Variants in ASPSCR1 observed in about 807,000 individuals in gnomAD.
ASPSCR1 encodes the protein tether containing UBX domain for GLUT4.
Under a neutral mutation model 68.9 loss-of-function variants are expected in ASPSCR1, and 55 were observed. The ratio of observed to expected loss-of-function variants is 0.80; its 90% CI spans 0.64 to 1.00. The LOEUF is 1.00. Ranked by LOEUF, ASPSCR1 falls within the 50% of genes least tolerant of loss-of-function variation. The pLI, the probability that ASPSCR1 is intolerant of heterozygous loss-of-function variation, is 0.00. For missense variants in ASPSCR1, 765 were observed against 762.2 expected (o/e 1.00, Z -0.04); for synonymous variants, 352 against 332.6 (o/e 1.06, Z -0.63).
At chr17:82,017,175 T>C (rs947837910) in intron 15 of ASPSCR1, 62 bp downstream of exon 15, 11 of 1,569,134 alleles carry the variant, frequency 7.0e-6, no homozygotes, top group Non-Finnish European at 9.5e-6. Context: ...GTCCGGGTGC[T>C]GTGGCAGGGT....
At chr17:82,013,361 ACTGGGGTG>A (rs574160631) in intron 12 of ASPSCR1, 1 of 152,368 alleles carries the variant, frequency 6.6e-6, no homozygotes, top group Admixed American at 6.5e-5. Flanking sequence ...CCCTGAGAGC[ACTGGGGTG>A]CTGCTGCCCT....
chr17:82,010,770 G>A (rs755208805), intron 9 of ASPSCR1, 32 bp from the exon 10 acceptor site: 36 of 1,605,516 alleles, frequency 2.2e-5, no homozygotes, highest in South Asian at 5.5e-5. Flanking sequence ...AGCTCCGGCC[G>A]TCCCTCCAAC....
chr17:81,990,273 G>A lies in ASPSCR1; in HGVS notation c.375-4548G>A, dbSNP rs1370628621. On this transcript the variant is annotated intron_variant, in intron 4 of 15. Transcript: ENST00000306739. This position sits in a 1 kb window ranked among gnomAD's most constrained non-coding sequence, Gnocchi z 4.1. ...ATGTATGGTGCACTTGGAGCATCTC[G>A]GTCTGGGCCGGGTCCTCGTGGACTG... 5.9e-5 allele frequency among the ~76,000 whole-genome samples: 9 copies of A among 152,218 alleles called. No homozygotes were observed. Among genetic ancestry groups the A allele is most frequent in the African/African-American group, 1.7e-4 (7 of 41,456 alleles).
chr17:82,014,753 T>G, intron 12 of ASPSCR1: 1 of 412,270 alleles, frequency 2.4e-6, no homozygotes, highest in Non-Finnish European at 4.5e-6. Flanking sequence ...CCCGTGGGGG[T>G]TGACGTGGGC....
chr17:82,016,448 G>T, intron 12 of ASPSCR1, 28 bp from the exon 13 acceptor site: 1 of 1,543,228 alleles, frequency 6.5e-7, no homozygotes. Flanking sequence ...CCCACACCCG[G>T]CCCCTGAGCC....
chr17:81,980,513 A>G (rs773293816), intron 2 of ASPSCR1, among the ~76,000 whole-genome samples: 2 of 152,160 alleles, frequency 1.3e-5, no homozygotes, highest in Admixed American at 6.5e-5. Context: ...AGACCTTCAC[A>G]CCATCCTTCT....
At chr17:81,980,524 C>T (rs2041762148) in intron 2 of ASPSCR1, among the ~76,000 whole-genome samples, 1 of 152,364 alleles carries the variant, frequency 6.6e-6, no homozygotes, top group East Asian at 1.9e-4. Flanking sequence ...CCATCCTTCT[C>T]CAGTCTCTCT....
intron 7 of ASPSCR1, among the ~76,000 whole-genome samples, chr17:81,997,122 G>GTGTGGGCTCCGGGATGAGGCCC (rs1207176247): frequency 6.6e-6 from 1 of 151,842 alleles, no homozygotes; most frequent in Non-Finnish European, 1.5e-5. Flanking sequence ...GGATGAGGCC[G>GTGTGGGCTCCGGGATGAGGCCC]TGTGGGCTCC....
At chr17:81,985,365 A>G in intron 3 of ASPSCR1, 142 bp from the exon 4 acceptor site, 4 of 762,286 alleles carry the variant, frequency 5.2e-6, no homozygotes, top group Non-Finnish European at 8.5e-6. Context: ...ATAGGAGGGT[A>G]GCCTTCTCCG....
chr17:82,000,247 G>A (rs1007103208), intron 7 of ASPSCR1, among the ~76,000 whole-genome samples: 5 of 152,254 alleles, frequency 3.3e-5, no homozygotes, highest in African/African-American at 1.2e-4. Flanking sequence ...CAGAGCGTGG[G>A]GCGTGGAGCA....
intron 7 of ASPSCR1, among the ~76,000 whole-genome samples, chr17:82,000,469 G>T (rs949463169): frequency 6.6e-6 from 1 of 152,214 alleles, no homozygotes; most frequent in Admixed American, 6.5e-5. Flanking sequence ...AGCCGCACAC[G>T]CAGAGGGCCC....
At chr17:82,012,625 C>T (rs1010856842) in intron 12 of ASPSCR1, among the ~76,000 whole-genome samples, 7 of 152,212 alleles carry the variant, frequency 4.6e-5, no homozygotes, top group African/African-American at 9.6e-5. Context: ...AGGAAGGGCC[C>T]GGCAGGCCTC....
chr17:82,011,408 TG>T, intron 10 of ASPSCR1, 134 bp from the exon 11 acceptor site: 1 of 838,560 alleles, frequency 1.2e-6, no homozygotes, highest in South Asian at 1.8e-5. Flanking sequence ...CCTGGAGTGC[TG>T]TGGGAGGAAC....
intron 12 of ASPSCR1, 89 bp from the exon 13 acceptor site, chr17:82,016,387 T>C (rs1022451854): frequency 2.5e-6 from 3 of 1,222,872 alleles, no homozygotes; most frequent in South Asian, 1.4e-5. Context: ...AGGGTGGAGC[T>C]GGGGCCTGGC....
chr17:81,979,366 G>A, intron 2 of ASPSCR1, 127 bp downstream of exon 2: 1 of 1,022,246 alleles, frequency 9.8e-7, no homozygotes, highest in Non-Finnish European at 1.5e-6. Context: ...TCCCAACTCT[G>A]GAGACCCAAG....
chr17:82,010,028 G>GC (rs556931297), intron 9 of ASPSCR1: 521 of 335,652 alleles, frequency 1.6e-3, no homozygotes, highest in Non-Finnish European at 2.4e-3. Context: ...TCCTGCCTCA[G>GC]CCTCCCAAGT....
In ASPSCR1 at chr17:81,994,822, G is replaced by A; in HGVS notation, c.376G>A (p.Glu126Lys). 6.2e-7 allele frequency: 1 copy of A among 1,613,330 alleles called. No individual in the cohort carries two copies. Residue 126 changes from glutamate (E) to lysine (K), a missense_variant and splice_region_variant, in exon 5 of 16, where the codon GAG becomes AAG. By Grantham distance (56) the Glu-to-Lys change is moderately conservative (BLOSUM62 1). Coordinates refer to ENST00000306739, the MANE Select transcript of ASPSCR1 (RefSeq NM_024083.4). ...ATGGTTTCTTTCCTCTCCTCCCAGG[G>A]AGTGCCTGCAGCACCCCGGCGGGGC... is the stretch of plus-strand genomic sequence containing the variant. Reference protein sequence around the residue: ...ELLSHFPQIRECLQHPGGATP... With the variant: ...ELLSHFPQIRKCLQHPGGATP...
chr17:81,994,848 C>T lies in ASPSCR1; in HGVS notation c.402C>T (p.Ala134=). The T allele has an allele frequency of 6.2e-7, 1 of 1,613,332 alleles. No homozygotes were observed. The highest frequency in any genetic ancestry group is 8.5e-7 in the Non-Finnish European group (1 of 1,179,930). The change falls in exon 5 of 16, where the codon GCC becomes GCT. Residue 134 remains alanine, a synonymous_variant. Coordinates refer to ENST00000306739, the MANE Select transcript of ASPSCR1 (RefSeq NM_024083.4). The stretch of plus-strand genomic sequence containing the variant: ...AGTGCCTGCAGCACCCCGGCGGGGC[C>T]ACCCCAGTCTGCGTGTACACGAGGG... ...IRECLQHPGG[A]TPVCVYTRDE... is the part of the protein sequence containing the mutation.
chr17:81,996,162 G>T, intron 6 of ASPSCR1, 97 bp downstream of exon 6: 1 of 1,388,974 alleles, frequency 7.2e-7, no homozygotes, highest in Non-Finnish European at 9.6e-7. Flanking sequence ...GTGGGGAGTA[G>T]GTGTACCCAG....
Sources: allele counts gnomAD v4.1 joint callset (sites outside exome capture counted in the v4.1 genomes callset), GRCh38; gene constraint gnomAD v4.1.1; non-coding constraint Gnocchi (gnomAD v3.1); transcripts MANE v1.5; gene names NCBI Gene and HGNC (gene_info 2026-07-23, HGNC 2026-07-21).